The following HOXA6 variants were observed in gnomAD, a reference collection of about 807,000 sequenced individuals.
HOXA6 encodes homeobox A6.
In HOXA6, 19 loss-of-function variants were observed where a neutral mutation model predicts 23.2. That is an observed-to-expected ratio of 0.82 (90% confidence interval 0.57 to 1.20). HOXA6 has a LOEUF of 1.20. Among genes scored for constraint, HOXA6 ranks in the 50% most tolerant of loss-of-function variants. The pLI is 0.00. For missense variants in HOXA6, 346 were observed against 313.6 expected (o/e 1.10, Z -0.78); for synonymous variants, 140 against 132.6 (o/e 1.06, Z -0.38).
In HOXA6 at chr7:27,147,361, C is replaced by T. The variant is rs756210185; in HGVS notation, c.389G>A (p.Arg130Gln). Residue 130 changes from arginine (R) to glutamine (Q), a missense_variant, in exon 1 of 2, where the codon CGG becomes CAG. Arg to Gln is a conservative substitution (Grantham distance 43). Coordinates refer to ENST00000222728, the MANE Select transcript of HOXA6 (RefSeq NM_024014.4). The part of the protein sequence containing the change: ...GKALHDEGAD[R>Q]KYTSPVYPWM... ...AGGGTAAACCGGGCTCGTGTACTTC[C>T]GGTCGGCGCCTTCGTCATGGAGTGC... The T allele has an allele frequency of 6.2e-6, 10 of 1,614,080 alleles. No homozygotes were observed. In the East Asian group the frequency reaches 2.2e-4, roughly 36 times the overall value.
Position 27,145,509 on chromosome 7 carries a change from T to C in HOXA6, c.*149A>G. On this transcript the variant is annotated 3_prime_UTR_variant, in exon 2 of 2. Transcript: ENST00000222728. ...TTTGTTTTGTTTTGTAAGAAATAAA[T>C]GCACAGACGCTTGCAAAGCTCCGGG... 1 of 892,424 alleles carries C rather than the reference T, an allele frequency of 1.1e-6. No individual in the cohort carries two copies. Among genetic ancestry groups the C allele is most frequent in the Non-Finnish European group, 1.7e-6 (1 of 580,438 alleles). The allele number at this position is 892,424 out of a possible 1,614,324, so 55.3% of individuals were successfully genotyped here.
chr7:27,146,750 A>T (rs1782780995), intron 1 of HOXA6, among the ~76,000 whole-genome samples: 4 of 152,040 alleles, frequency 2.6e-5, no homozygotes, highest in African/African-American at 9.7e-5. Flanking sequence ...GTTGGCTAAG[A>T]GTGGGCAGTT....
In HOXA6 at chr7:27,147,679, T is replaced by G. The variant is rs1354124744; in HGVS notation, c.71A>C (p.Gln24Pro). The part of the protein sequence containing the change: ...LPSGQDSFLG[Q>P]LPLYQAGYDA... ...ATAGCCAGCCTGGTAGAGGGGCAGCTGGCCCAAGAAGGAGTCCTGGCCGCT... is the reference window on the plus strand; with the variant it reads ...ATAGCCAGCCTGGTAGAGGGGCAGCGGGCCCAAGAAGGAGTCCTGGCCGCT... Residue 24 changes from glutamine (Q) to proline (P), a missense_variant, in exon 1 of 2, where the codon CAG becomes CCG. Gln to Pro is a moderately conservative substitution (Grantham distance 76). Coordinates refer to ENST00000222728, the MANE Select transcript of HOXA6 (RefSeq NM_024014.4). 1 of 1,614,004 alleles carries G rather than the reference T, an allele frequency of 6.2e-7. No homozygotes were observed. Among genetic ancestry groups the G allele is most frequent in the African/African-American group, 1.3e-5 (1 of 75,052 alleles).
rs889282082 is a variant in HOXA6 at position 27,145,835 on chromosome 7, G to A, written c.525C>T (p.His175=). 5.6e-6 allele frequency: 9 copies of A among 1,614,268 alleles called. No individual in the cohort carries two copies. Among genetic ancestry groups the A allele is most frequent in the Non-Finnish European group, 6.8e-6 (8 of 1,180,054 alleles). ...GGCGCCGTGTCAGGTAGCGGTTGAA[G>A]TGGAACTCCTTCTCCAGCTCCAGTG... ...YQTLELEKEF[H]FNRYLTRRRR... Residue 175 remains histidine (H), a synonymous_variant, in exon 2 of 2, where the codon CAC becomes CAT. Transcript: ENST00000222728.
Position 27,147,673 on chromosome 7 carries a change from G to A in HOXA6, c.77C>T (p.Pro26Leu). The A allele has an allele frequency of 6.2e-7, 1 of 1,614,072 alleles. No individual in the cohort carries two copies. The highest frequency in any genetic ancestry group is 8.5e-7 in the Non-Finnish European group (1 of 1,180,038). Residue 26 changes from proline (P) to leucine (L), a missense_variant, in exon 1 of 2, where the codon CCC (proline) becomes CTC (leucine). Physicochemically the swap from Pro to Leu is moderately conservative, Grantham distance 98. Transcript: ENST00000222728. Reference sequence around the variant, plus strand: ...CGCGTCATAGCCAGCCTGGTAGAGGGGCAGCTGGCCCAAGAAGGAGTCCTG... The same window carrying A: ...CGCGTCATAGCCAGCCTGGTAGAGGAGCAGCTGGCCCAAGAAGGAGTCCTG... ...SGQDSFLGQLPLYQAGYDALR... is the reference protein window; with the variant it reads ...SGQDSFLGQLLLYQAGYDALR...
In HOXA6 at chr7:27,145,674, G is replaced by T; in HGVS notation, c.686C>A (p.Ala229Glu). Residue 229 changes from alanine (A) to glutamate (E), a missense_variant, in exon 2 of 2, where the codon GCA (alanine) becomes GAA (glutamate). Coordinates refer to ENST00000222728, the MANE Select transcript of HOXA6 (RefSeq NM_024014.4). ...CCCAGGCATCTACTCGCCCGCCTTT[G>T]CCTCTGAGTCCTCCCCGCTGGGCTG... is the stretch of plus-strand genomic sequence containing the variant. ...STQPSGEDSE[A>E]KAGE 6.2e-7 allele frequency: 1 copy of T among 1,613,796 alleles called. No individual in the cohort carries two copies. The highest frequency in any genetic ancestry group is 8.5e-7 in the Non-Finnish European group (1 of 1,179,804).
chr7:27,146,592 G>A (rs1416200386), intron 1 of HOXA6, among the ~76,000 whole-genome samples: 1 of 152,214 alleles, frequency 6.6e-6, no homozygotes, highest in Non-Finnish European at 1.5e-5. Context: ...CAGAGGCTAA[G>A]AGATGGAGCT....
Position 27,147,584 on chromosome 7 carries a change from A to G in HOXA6, c.166T>C (p.Cys56Arg). 1 of 1,614,226 alleles carries G rather than the reference A, an allele frequency of 6.2e-7. No individual in the cohort carries two copies. The change falls in exon 1 of 2, where the codon TGT (cysteine) becomes CGT (arginine). Residue 56 changes from cysteine (C) to arginine (R), a missense_variant. By Grantham distance (180) the Cys-to-Arg change is radical. Transcript: ENST00000222728. ...ACCGAGTTGGACTGTTGGTAGAAACAAGGTGAGGTGTACGTCTTGTCCGGG... is the reference window on the plus strand; with the variant it reads ...ACCGAGTTGGACTGTTGGTAGAAACGAGGTGAGGTGTACGTCTTGTCCGGG... ...SLPDKTYTSP[C>R]FYQQSNSVLA... is the part of the protein sequence containing the mutation.
At chr7:27,147,248 C>T (rs1280186039) in intron 1 of HOXA6, 60 bp downstream of exon 1, 2 of 1,440,998 alleles carry the variant, frequency 1.4e-6, no homozygotes, top group Non-Finnish European at 1.9e-6. Context: ...TTTCCTCCTT[C>T]TTTCTTTCTT....
rs762568049 is a variant in HOXA6 at position 27,147,488 on chromosome 7, C to T, written c.262G>A (p.Ala88Thr). Residue 88 changes from alanine (A) to threonine (T), a missense_variant, in exon 1 of 2, where the codon GCC becomes ACC. Coordinates refer to ENST00000222728, the MANE Select transcript of HOXA6 (RefSeq NM_024014.4). ...TGCTTGCCACTGCCCGAGGGCGAGG[C>T]GCCACTGAGGTCCTTATCAGAATAG... ...CFYSDKDLSG[A>T]SPSGSGKQRG... is the part of the protein sequence containing the mutation. The T allele has an allele frequency of 6.2e-7, 1 of 1,614,082 alleles. No individual in the cohort carries two copies. The highest frequency in any genetic ancestry group is 8.5e-7 in the Non-Finnish European group (1 of 1,179,994).
At chr7:27,146,133 C>T (rs1583411467) in intron 1 of HOXA6, among the ~76,000 whole-genome samples, 1 of 152,178 alleles carries the variant, frequency 6.6e-6, no homozygotes, top group Admixed American at 6.5e-5. Context: ...TGGACATTAT[C>T]GTTTTTGAAA....
rs767920023 is a variant in HOXA6 at position 27,147,527 on chromosome 7, C to T, written c.223G>A (p.Gly75Arg). Reference protein sequence around the residue: ...LACNRASYEYGASCFYSDKDL... With the variant: ...LACNRASYEYRASCFYSDKDL... ...TTATCAGAATAGAAACACGAGGCCC[C>T]GTACTCGTAGGACGCCCGGTTGCAG... The change falls in exon 1 of 2, where the codon GGG (glycine) becomes AGG (arginine). Residue 75 changes from glycine (G) to arginine (R), a missense_variant. Gly to Arg is a moderately radical substitution (Grantham distance 125). Coordinates refer to ENST00000222728, the MANE Select transcript of HOXA6 (RefSeq NM_024014.4). 2.5e-6 allele frequency: 4 copies of T among 1,614,062 alleles called. No homozygotes were observed. Among genetic ancestry groups the T allele is most frequent in the Non-Finnish European group, 3.4e-6 (4 of 1,180,040 alleles).
At chr7:27,146,686 G>A (rs1782779301) in intron 1 of HOXA6, among the ~76,000 whole-genome samples, 1 of 152,176 alleles carries the variant, frequency 6.6e-6, no homozygotes, top group Non-Finnish European at 1.5e-5. Context: ...GTGGTGGGGG[G>A]TCCCTCCAAG....
rs1782726042 is a variant in HOXA6 at position 27,145,494 on chromosome 7, TTTGTA to T, written c.*159_*163del. ...TTTGTTTTGTTTTGTTTTGTTTTGT[TTTGTA>T]AGAAATAAATGCACAGACGCTTGCA... On this transcript the variant is annotated 3_prime_UTR_variant, in exon 2 of 2. Transcript: ENST00000222728. 3 of 746,660 alleles carry T rather than the reference TTTGTA, an allele frequency of 4.0e-6. No individual in the cohort carries two copies. The highest frequency in any genetic ancestry group is 1.9e-5 in the South Asian group (1 of 53,794). 46.3% of individuals were successfully genotyped at this position (746,660 alleles called of 1,614,324 possible).
At chr7:27,146,744 G>A (rs950198904) in intron 1 of HOXA6, among the ~76,000 whole-genome samples, 1 of 152,170 alleles carries the variant, frequency 6.6e-6, no homozygotes, top group African/African-American at 2.4e-5. Context: ...GCAGAAGTTG[G>A]CTAAGAGTGG....
rs779260946 is a variant in HOXA6 at position 27,145,732 on chromosome 7, A to G, written c.628T>C (p.Trp210Arg). Residue 210 changes from tryptophan to arginine, a missense_variant, in exon 2 of 2, where the codon TGG becomes CGG. Physicochemically the swap from Trp to Arg is moderately radical, Grantham distance 101 (BLOSUM62 -3). Transcript: ENST00000222728. ...KIWFQNRRMKWKKENKLINST... is the reference protein window; with the variant it reads ...KIWFQNRRMKRKKENKLINST... ...TTGATGAGCTTGTTTTCCTTTTTCCACTTCATGCGGCGGTTCTGGAACCAG... is the reference window on the plus strand; with the variant it reads ...TTGATGAGCTTGTTTTCCTTTTTCCGCTTCATGCGGCGGTTCTGGAACCAG... 1.9e-6 allele frequency: 3 copies of G among 1,613,782 alleles called. No individual in the cohort carries two copies. Among genetic ancestry groups the G allele is most frequent in the East Asian group, 2.2e-5 (1 of 44,830 alleles).
intron 1 of HOXA6, among the ~76,000 whole-genome samples, chr7:27,146,379 T>A (rs1379211163): frequency 6.6e-6 from 1 of 152,166 alleles, no homozygotes; most frequent in African/African-American, 2.4e-5. Flanking sequence ...ACTCAACACA[T>A]TTTTTGAAGA....
In HOXA6 at chr7:27,145,813, G is replaced by A; in HGVS notation, c.547C>T (p.Arg183Cys). ...EFHFNRYLTR[R>C]RRIEIANALC... ...GCGTTGGCGATCTCGATGCGGCGGC[G>A]CCGTGTCAGGTAGCGGTTGAAGTGG... The change falls in exon 2 of 2, where the codon CGC (arginine) becomes TGC (cysteine). Residue 183 changes from arginine to cysteine, a missense_variant. Physicochemically the swap from Arg to Cys is radical, Grantham distance 180. Transcript: ENST00000222728. 1 of 1,614,274 alleles carries A rather than the reference G, an allele frequency of 6.2e-7. No individual in the cohort carries two copies. Among genetic ancestry groups the A allele is most frequent in the Non-Finnish European group, 8.5e-7 (1 of 1,180,054 alleles).
Position 27,145,469 on chromosome 7 carries a change from T to G in HOXA6, c.*189A>C. The stretch of plus-strand genomic sequence containing the variant: ...GAGGTTTTGTTTTGTTTTGTTTTGT[T>G]TTGTTTTGTTTTGTTTTGTTTTGTT... On this transcript the variant is annotated 3_prime_UTR_variant, in exon 2 of 2. Transcript: ENST00000222728. The G allele has an allele frequency of 8.3e-6, 6 of 719,706 alleles. No individual in the cohort carries two copies. The highest frequency in any genetic ancestry group is 2.6e-5 in the East Asian group (1 of 38,742). 44.6% of individuals were successfully genotyped at this position (719,706 alleles called of 1,614,324 possible).
Sources: allele counts gnomAD v4.1 joint callset (sites outside exome capture counted in the v4.1 genomes callset), GRCh38; gene constraint gnomAD v4.1.1; transcripts MANE v1.5; gene names NCBI Gene and HGNC (gene_info 2026-07-23, HGNC 2026-07-21).